CAND2: variants seen among roughly 807,000 people sequenced by gnomAD.
The protein encoded by CAND2 is cullin-associated NEDD8-dissociated protein 2.
CAND2 carries 62 observed loss-of-function variants against 98.9 expected under a neutral mutation model. The ratio of observed to expected loss-of-function variants is 0.63; its 90% CI spans 0.51 to 0.77. The LOEUF (loss-of-function observed/expected upper bound fraction) is 0.77, where lower values mean the gene tolerates loss of function less well. Ranked by LOEUF, CAND2 falls within the 30% of genes least tolerant of loss-of-function variation. The probability of loss-of-function intolerance (pLI) is 0.00; values close to 1 mark genes in which losing one functional copy is unlikely to be tolerated. For synonymous variants in CAND2, 770 were observed against 731.9 expected (o/e 1.05, Z -0.84); for missense variants, 1,501 against 1,655.2 (o/e 0.91, Z 1.62).
At position 12,812,625 on chromosome 3, in the gene CAND2, C is replaced by G. The variant is rs144668961; in HGVS notation, c.758-365C>G. ...TTCACCTTGTTAGCCAGGATAGTCT[C>G]GATCTCCTGACCTCATGATCCACCC... On this transcript the variant is annotated intron_variant, in intron 5 of 14. Coordinates refer to ENST00000456430, the MANE Select transcript of CAND2 (RefSeq NM_001162499.2). Among the ~76,000 whole-genome samples, 892 of 151,912 alleles carry G rather than the reference C, an allele frequency of 5.9e-3. 8 individuals carry two copies. The highest frequency in any genetic ancestry group is 0.02 in the African/African-American group (845 of 41,414).
chr3:12,830,779 G>C (rs545204956), intron 13 of CAND2, among the ~76,000 whole-genome samples: 13 of 152,336 alleles, frequency 8.5e-5, no homozygotes, highest in Non-Finnish European at 1.6e-4. Flanking sequence ...GAGTAGCCAA[G>C]AGTCATAGCT....
Position 12,817,029 on chromosome 3 carries a change from G to A in CAND2, c.2097G>A (p.Leu699=). 6.2e-7 allele frequency: 1 copy of A among 1,612,980 alleles called. No homozygotes were observed. The highest frequency in any genetic ancestry group is 8.5e-7 in the Non-Finnish European group (1 of 1,179,940). The change falls in exon 10 of 15, where the codon CTG becomes CTA. Residue 699 remains leucine (L), a synonymous_variant. Transcript: ENST00000456430. ...CCGTGCAGGCCGTGCTGGCTGAGCT[G>A]CCTGCCCTGGTCAACGAGAGCGACA... The part of the protein sequence containing the change: ...PSAVQAVLAE[L]PALVNESDMH...
At chr3:12,810,901 G>A (rs554164705) in intron 5 of CAND2, among the ~76,000 whole-genome samples, 1 of 152,224 alleles carries the variant, frequency 6.6e-6, no homozygotes, top group Non-Finnish European at 1.5e-5. Flanking sequence ...GTGTCCGTTT[G>A]CAGTCCAGCT....
At position 12,827,418 on chromosome 3, in the gene CAND2, C is replaced by T. The variant is rs770271862; in HGVS notation, c.3211-22C>T. 9 of 1,606,084 alleles carry T rather than the reference C, an allele frequency of 5.6e-6. No homozygotes were observed. The East Asian group carries it at 1.8e-4, about 32-fold the overall frequency. On this transcript the variant is annotated intron_variant, in intron 12 of 14. Coordinates refer to ENST00000456430, the MANE Select transcript of CAND2 (RefSeq NM_001162499.2). The stretch of plus-strand genomic sequence containing the variant: ...GTCCTTACACCCTGGGGCCATATCA[C>T]CAACCTTCATCCCTCCTGCAGGTGG...
chr3:12,834,063 G>A lies in CAND2; in HGVS notation c.*81G>A. On this transcript the variant is annotated 3_prime_UTR_variant, in exon 15 of 15. Transcript: ENST00000456430. ...GAGGCCTCCCCATCCCACCATCGCAGGTCTCTACTTTTGCCCTTCCACCAT... is the reference window on the plus strand; with the variant it reads ...GAGGCCTCCCCATCCCACCATCGCAAGTCTCTACTTTTGCCCTTCCACCAT... The A allele has an allele frequency of 1.7e-6, 2 of 1,177,574 alleles. No individual in the cohort carries two copies. The highest frequency in any genetic ancestry group is 2.5e-6 in the Non-Finnish European group (2 of 802,598). The allele number at this position is 1,177,574 out of a possible 1,614,324, so 72.9% of individuals were successfully genotyped here.
chr3:12,814,379 G>C (rs536495081), intron 7 of CAND2, among the ~76,000 whole-genome samples: 2 of 152,150 alleles, frequency 1.3e-5, no homozygotes, highest in Non-Finnish European at 2.9e-5. Context: ...GCTGTTCCTC[G>C]CTGTGTGCCC....
intron 7 of CAND2, 114 bp downstream of exon 7, chr3:12,813,502 T>G: frequency 1.9e-6 from 2 of 1,039,490 alleles, no homozygotes; most frequent in Non-Finnish European, 2.8e-6. Context: ...ATGCCAGCTC[T>G]TTCTCAAGCT....
Position 12,810,136 on chromosome 3 carries a change from C to G in CAND2, c.569C>G (p.Ala190Gly). 6.6e-7 allele frequency: 1 copy of G among 1,522,276 alleles called. No individual in the cohort carries two copies. The highest frequency in any genetic ancestry group is 2.0e-5 in the Admixed American group (1 of 50,428). The allele number at this position is 1,522,276 out of a possible 1,614,324, so 94.3% of individuals were successfully genotyped here. ...LLPQLSSPRLAVRKRAVGALG... is the reference protein window; with the variant it reads ...LLPQLSSPRLGVRKRAVGALG... ...CCACAGCTGAGCAGCCCGCGCCTGG[C>G]GGTGCGCAAGCGGGCGGTCGGAGCG... Residue 190 changes from alanine (A) to glycine (G), a missense_variant, in exon 5 of 15, where the codon GCG becomes GGG. By Grantham distance (60) the Ala-to-Gly change is moderately conservative. This residue lies in a region of CAND2 where 1,427 missense variants were observed against 1,545.3 expected (regional missense o/e 0.92). Transcript: ENST00000456430.
At position 12,817,214 on chromosome 3, in the gene CAND2, T is replaced by C. The variant is rs892104037; in HGVS notation, c.2282T>C (p.Leu761Pro). The C allele has an allele frequency of 6.2e-7, 1 of 1,613,648 alleles. No homozygotes were observed. Among genetic ancestry groups the C allele is most frequent in the Middle Eastern group, 1.7e-4 (1 of 6,060 alleles). ...AGVLAAAEGF[L>P]QALVGTRPPC... is the part of the protein sequence containing the mutation. ...GTTCTGGCAGCTGCTGAAGGCTTCC[T>C]GCAGGCCCTGGTAGGGACCCGTCCC... Residue 761 changes from leucine (L) to proline (P), a missense_variant, in exon 10 of 15, where the codon CTG (leucine) becomes CCG (proline). Coordinates refer to ENST00000456430, the MANE Select transcript of CAND2 (RefSeq NM_001162499.2).
intron 4 of CAND2, chr3:12,809,806 A>G: frequency 4.6e-6 from 2 of 433,154 alleles, no homozygotes; most frequent in South Asian, 1.0e-4. Context: ...GCTTTCCCCT[A>G]TCAGGTCTTT....
chr3:12,803,129 AC>A (rs2124835352), intron 1 of CAND2, among the ~76,000 whole-genome samples: 1 of 151,748 alleles, frequency 6.6e-6, no homozygotes, highest in African/African-American at 2.4e-5. Context: ...AGCTGGGACT[AC>A]AGGCGCCCGC....
intron 7 of CAND2, among the ~76,000 whole-genome samples, chr3:12,814,350 G>A (rs946310091): frequency 3.9e-5 from 6 of 152,206 alleles, no homozygotes; most frequent in African/African-American, 4.8e-5. Flanking sequence ...TGGGCCTCGT[G>A]GACCTGAATC....
In CAND2 at chr3:12,818,164, CTG is replaced by C. The variant is rs542896671; in HGVS notation, c.2944+290_2944+291del. Among the ~76,000 whole-genome samples the C allele has an allele frequency of 4.4e-3, 667 of 151,886 alleles. 2 individuals carry two copies. The highest frequency in any genetic ancestry group is 0.016 in the African/African-American group (642 of 41,230). ...GTTGGCTAGGCATGGTGGCACATGT[CTG>C]TAATCCCAGCACTTTGGGGAGGCTG... On this transcript the variant is annotated intron_variant, in intron 10 of 14. Transcript: ENST00000456430.
chr3:12,807,510 G>A, intron 3 of CAND2, 50 bp downstream of exon 3: 1 of 1,448,364 alleles, frequency 6.9e-7, no homozygotes, highest in Non-Finnish European at 9.2e-7. Context: ...CCTAGTTTAT[G>A]GTAAAAAAAC....
chr3:12,834,153 A>G lies in CAND2; in HGVS notation c.*171A>G. 1 of 608,912 alleles carries G rather than the reference A, an allele frequency of 1.6e-6. No homozygotes were observed. Among genetic ancestry groups the G allele is most frequent in the Non-Finnish European group, 2.9e-6 (1 of 345,300 alleles). 37.7% of individuals were successfully genotyped at this position (608,912 alleles called of 1,614,324 possible). A position where few individuals can be genotyped will look rare whatever the true frequency, so the allele number is the denominator to read the frequency against. On this transcript the variant is annotated 3_prime_UTR_variant, in exon 15 of 15. Coordinates refer to ENST00000456430, the MANE Select transcript of CAND2 (RefSeq NM_001162499.2). The stretch of plus-strand genomic sequence containing the variant: ...TGCCTTCTCCAGGGACCCAACTCAA[A>G]GGCCCCCAGCCCAAGCTGTGAGGCT...
intron 4 of CAND2, 192 bp from the exon 5 acceptor site, chr3:12,809,867 C>G (rs1331373243): frequency 1.6e-6 from 1 of 638,854 alleles, no homozygotes; most frequent in Non-Finnish European, 2.4e-6. Flanking sequence ...CCCTTTCTCT[C>G]TCCGCTTTCT....
chr3:12,809,871 G>T, intron 4 of CAND2, 188 bp from the exon 5 acceptor site: 1 of 653,282 alleles, frequency 1.5e-6, no homozygotes, highest in Non-Finnish European at 2.3e-6. Context: ...TTCTCTCTCC[G>T]CTTTCTCTCA....
intron 1 of CAND2, among the ~76,000 whole-genome samples, chr3:12,801,244 G>A (rs1367188871): frequency 6.6e-6 from 1 of 151,852 alleles, no homozygotes; most frequent in African/African-American, 2.4e-5. Context: ...CACCATATTG[G>A]CCAGGCTGAT....
intron 4 of CAND2, 90 bp downstream of exon 4, chr3:12,808,423 C>T: frequency 1.4e-6 from 2 of 1,403,598 alleles, no homozygotes; most frequent in Non-Finnish European, 2.0e-6. Flanking sequence ...TACTGCACAC[C>T]AGGCCCTGTG....
Sources: gnomAD v4.1 joint callset for allele counts (sites outside exome capture counted in the v4.1 genomes callset) on GRCh38, gnomAD v4.1.1 for gene constraint, gnomAD v4.1.1 regional missense constraint, MANE v1.5 for transcripts, NCBI Gene and HGNC (gene_info 2026-07-23, HGNC 2026-07-21) for gene names.